Variants in PACSIN3 observed in about 807,000 individuals in gnomAD.
PACSIN3 encodes the protein protein kinase C and casein kinase substrate in neurons protein 3.
Under a neutral mutation model 56.1 loss-of-function variants are expected in PACSIN3, and 34 were observed. The ratio of observed to expected loss-of-function variants is 0.61; its 90% CI spans 0.46 to 0.81. The LOEUF (loss-of-function observed/expected upper bound fraction) is 0.81, where lower values mean the gene tolerates loss of function less well. PACSIN3 is among the 30% of genes least tolerant of loss of function. The pLI, the probability that PACSIN3 is intolerant of heterozygous loss-of-function variation, is 0.00. For missense variants in PACSIN3, 535 were observed against 592.4 expected (o/e 0.90, Z 1.01); for synonymous variants, 218 against 229.8 (o/e 0.95, Z 0.46).
In PACSIN3 at chr11:47,178,091, C is replaced by CCCTGTT. The variant is rs1952922021; in HGVS notation, c.1160-51_1160-46dup. 2 of 1,535,554 alleles carry CCCTGTT rather than the reference C, an allele frequency of 1.3e-6. No homozygotes were observed. Among genetic ancestry groups the CCCTGTT allele is most frequent in the Non-Finnish European group, 1.8e-6 (2 of 1,116,164 alleles). On this transcript the variant is annotated intron_variant, in intron 10 of 10. Transcript: ENST00000298838. This position sits in a 1 kb window ranked among gnomAD's most constrained non-coding sequence, Gnocchi z 4.2. Reference sequence around the variant, plus strand: ...TCACTGCCAGTGGCCCTGGCCCAGGCCCTGTTCCTGCAACTGGGTCAAGGA... The same window carrying CCCTGTT: ...TCACTGCCAGTGGCCCTGGCCCAGGCCCTGTTCCTGTTCCTGCAACTGGGTCAAGGA...
intron 4 of PACSIN3, 78 bp downstream of exon 4, chr11:47,182,325 C>T: frequency 6.9e-7 from 1 of 1,446,540 alleles, no homozygotes; most frequent in East Asian, 2.3e-5. Flanking sequence ...TCAAACTTCC[C>T]ACGAGACGTG....
chr11:47,178,285 G>T lies in PACSIN3; in HGVS notation c.1159+81C>A, dbSNP rs918381331. On this transcript the variant is annotated intron_variant, in intron 10 of 10. Transcript: ENST00000298838. This position sits in a 1 kb window ranked among gnomAD's most constrained non-coding sequence, Gnocchi z 4.2. ...GACAGAGGACTGGCCCTTAAGAAGT[G>T]GGTATTTGGCTTCCCTTTCTGACAC... The T allele has an allele frequency of 6.5e-7, 1 of 1,542,342 alleles. No individual in the cohort carries two copies. Among genetic ancestry groups the T allele is most frequent in the African/African-American group, 1.4e-5 (1 of 73,586 alleles).
Position 47,186,040 on chromosome 11 carries a change from G to C in PACSIN3, c.-104+309C>G, listed in dbSNP as rs1420161699. Reference sequence around the variant, plus strand: ...TCGCCAGGGAGCGAGGACCCTCTGGGGCCTCGGGGCGGGCGCGAGGCGAGC... The same window carrying C: ...TCGCCAGGGAGCGAGGACCCTCTGGCGCCTCGGGGCGGGCGCGAGGCGAGC... On this transcript the variant is annotated intron_variant, in intron 1 of 10. Coordinates refer to ENST00000298838, the MANE Select transcript of PACSIN3 (RefSeq NM_016223.5). This position sits in a 1 kb window ranked among gnomAD's most constrained non-coding sequence, Gnocchi z 4.5. 6.6e-6 allele frequency among the ~76,000 whole-genome samples: 1 copy of C among 152,072 alleles called. No homozygotes were observed. The highest frequency in any genetic ancestry group is 1.5e-5 in the Non-Finnish European group (1 of 67,962).
chr11:47,183,713 G>A (rs542560553), intron 1 of PACSIN3, among the ~76,000 whole-genome samples: 3 of 152,310 alleles, frequency 2.0e-5, no homozygotes, highest in South Asian at 2.1e-4. Flanking sequence ...AGTGAGAAGC[G>A]ATGGCCAACT....
rs760396236 is a variant in PACSIN3, at chr11:47,182,540, G to A, written c.74C>T (p.Thr25Met). 1.8e-5 allele frequency: 29 copies of A among 1,612,054 alleles called. No individual in the cohort carries two copies. Among genetic ancestry groups the A allele is most frequent in the Admixed American group, 3.3e-5 (2 of 59,918 alleles). ...SFWEAGNYRRTVQRVEDGHRL... is the reference protein window; with the variant it reads ...SFWEAGNYRRMVQRVEDGHRL... ...GTGCCCGTCCTCCACCCGCTGTACC[G>A]TGCGCCTGTAGTTGCCAGCCTGGGC... The change falls in exon 4 of 11, where the codon ACG becomes ATG. Residue 25 changes from threonine to methionine, a missense_variant. Coordinates refer to ENST00000298838, the MANE Select transcript of PACSIN3 (RefSeq NM_016223.5).
Position 47,178,926 on chromosome 11 carries a change from G to A in PACSIN3, c.1005C>T (p.Thr335=), listed in dbSNP as rs190068896. The A allele has an allele frequency of 1.1e-4, 185 of 1,613,924 alleles. 1 individual carries two copies. The Admixed American group carries it at 1.6e-3, about 14-fold the overall frequency. The stretch of plus-strand genomic sequence containing the variant: ...ACCCCGGGGACTGGGGTGGGGGTGC[G>A]GTGCCATCTCTTGTAGGCACAATGC... ...LTSIVPTRDG[T]APPPQSPGSP... is the part of the protein sequence containing the mutation. Residue 335 remains threonine (T), a synonymous_variant, in exon 9 of 11, where the codon ACC becomes ACT. Coordinates refer to ENST00000298838, the MANE Select transcript of PACSIN3 (RefSeq NM_016223.5). This position sits in a 1 kb window ranked among gnomAD's most constrained non-coding sequence, Gnocchi z 4.2.
Position 47,177,878 on chromosome 11 carries a change from A to G in PACSIN3, c.*53T>C. 1 of 1,391,504 alleles carries G rather than the reference A, an allele frequency of 7.2e-7. No individual in the cohort carries two copies. The highest frequency in any genetic ancestry group is 1.7e-5 in the Admixed American group (1 of 59,580). 86.2% of individuals were successfully genotyped at this position (1,391,504 alleles called of 1,614,324 possible). On this transcript the variant is annotated 3_prime_UTR_variant, in exon 11 of 11. Coordinates refer to ENST00000298838, the MANE Select transcript of PACSIN3 (RefSeq NM_016223.5). ...CCTGAGGGTCCGGCTCTCCAGGAGAAGCTGGGCTCTGAACCAGGGTGGGTA... is the reference window on the plus strand; with the variant it reads ...CCTGAGGGTCCGGCTCTCCAGGAGAGGCTGGGCTCTGAACCAGGGTGGGTA...
Position 47,178,357 on chromosome 11 carries a change from C to T in PACSIN3, c.1159+9G>A. 1.2e-6 allele frequency: 2 copies of T among 1,613,452 alleles called. No individual in the cohort carries two copies. The highest frequency in any genetic ancestry group is 8.5e-7 in the Non-Finnish European group (1 of 1,179,730). On this transcript the variant is annotated intron_variant, in intron 10 of 10. Transcript: ENST00000298838. This position sits in a 1 kb window ranked among gnomAD's most constrained non-coding sequence, Gnocchi z 4.2. ...AGAGGCTGAAGCTAGGAAAGGGGTC[C>T]CAGGGTACCTGCTCGGAAGCTCAGC...
chr11:47,182,649 C>A, intron 3 of PACSIN3, 25 bp downstream of exon 3: 1 of 1,607,960 alleles, frequency 6.2e-7, no homozygotes, highest in African/African-American at 1.3e-5. Context: ...AGACAAGTAG[C>A]TGAGCCCAGG....
rs768579878 is a variant in PACSIN3 at position 47,177,913 on chromosome 11, G to A, written c.*18C>T. On this transcript the variant is annotated 3_prime_UTR_variant, in exon 11 of 11. Transcript: ENST00000298838. Reference sequence around the variant, plus strand: ...TGAACCAGGGTGGGTAAACGTTGCAGAAGGGCTGTCAGGACACTCAGGCGC... The same window carrying A: ...TGAACCAGGGTGGGTAAACGTTGCAAAAGGGCTGTCAGGACACTCAGGCGC... The A allele has an allele frequency of 6.9e-6, 11 of 1,592,844 alleles. No individual in the cohort carries two copies. Among genetic ancestry groups the A allele is most frequent in the South Asian group, 3.3e-5 (3 of 90,652 alleles).
At position 47,179,517 on chromosome 11, in the gene PACSIN3, C is replaced by G; in HGVS notation, c.673G>C (p.Glu225Gln). The G allele has an allele frequency of 6.2e-7, 1 of 1,613,950 alleles. No individual in the cohort carries two copies. The highest frequency in any genetic ancestry group is 2.2e-5 in the East Asian group (1 of 44,894). ...GCCTGGCAGGTCTCAAAGGCCTGTT[C>G]CATGTCCTCCATGTAGCGTGGAGTG... ...RYTPRYMEDM[E>Q]QAFETCQAAE... Residue 225 changes from glutamate (E) to glutamine (Q), a missense_variant, in exon 7 of 11, where the codon GAA (glutamate) becomes CAA (glutamine). By Grantham distance (29) the Glu-to-Gln change is conservative. Coordinates refer to ENST00000298838, the MANE Select transcript of PACSIN3 (RefSeq NM_016223.5). This position sits in a 1 kb window ranked among gnomAD's most constrained non-coding sequence, Gnocchi z 4.4.
intron 5 of PACSIN3, 47 bp from the exon 6 acceptor site, chr11:47,180,388 C>G: frequency 6.3e-7 from 1 of 1,598,122 alleles, no homozygotes; most frequent in South Asian, 1.1e-5. Flanking sequence ...CACACCTTGG[C>G]CCCCTCGATC....
At chr11:47,185,441 G>A (rs772321573) in intron 1 of PACSIN3, 2 of 151,328 alleles carry the variant, frequency 1.3e-5, no homozygotes, top group Non-Finnish European at 2.9e-5. Flanking sequence ...CGCAGCTCTA[G>A]GATTTGAGGA....
At position 47,182,659 on chromosome 11, in the gene PACSIN3, G is replaced by GACCCAGC. The variant is rs763161975; in HGVS notation, c.54+8_54+14dup. 7.5e-6 allele frequency: 12 copies of GACCCAGC among 1,610,328 alleles called. No individual in the cohort carries two copies. In the Admixed American group the frequency reaches 1.0e-4, roughly 14 times the overall value. On this transcript the variant is annotated intron_variant, in intron 3 of 10. Coordinates refer to ENST00000298838, the MANE Select transcript of PACSIN3 (RefSeq NM_016223.5). ...CCCCTAGACAAGTAGCTGAGCCCAG[G>GACCCAGC]ACCCAGCTGCTCACCTCCCAGAAAC...
rs994437488 is a variant in PACSIN3, at chr11:47,177,848, A to G, written c.*83T>C. 1.9e-6 allele frequency: 2 copies of G among 1,062,976 alleles called. No homozygotes were observed. The highest frequency in any genetic ancestry group is 3.1e-5 in the African/African-American group (2 of 64,280). The allele number at this position is 1,062,976 out of a possible 1,614,324, so 65.8% of individuals were successfully genotyped here. A position where few individuals can be genotyped will look rare whatever the true frequency, so the allele number is the denominator to read the frequency against. ...AGGAGCAGCCAGAGAGCGACGGTTC[A>G]GGGCCCTGAGGGTCCGGCTCTCCAG... On this transcript the variant is annotated 3_prime_UTR_variant, in exon 11 of 11. Coordinates refer to ENST00000298838, the MANE Select transcript of PACSIN3 (RefSeq NM_016223.5).
intron 1 of PACSIN3, chr11:47,183,464 G>A (rs537767572): frequency 1.3e-5 from 2 of 152,416 alleles, no homozygotes; most frequent in South Asian, 2.1e-4. Flanking sequence ...GTATGTAACT[G>A]TCTCCTCCTA....
At chr11:47,180,748 C>T in intron 4 of PACSIN3, 58 bp from the exon 5 acceptor site, 1 of 1,406,464 alleles carries the variant, frequency 7.1e-7, no homozygotes, top group Non-Finnish European at 9.6e-7. Flanking sequence ...TGAGCCTAGC[C>T]CCTCTCACTG....
chr11:47,178,310 C>G lies in PACSIN3; in HGVS notation c.1159+56G>C, dbSNP rs907487524. ...GGGTATTTGGCTTCCCTTTCTGACA[C>G]CCCTGCTCAGGCAGATAAGGCAGAG... On this transcript the variant is annotated intron_variant, in intron 10 of 10. Transcript: ENST00000298838. This position sits in a 1 kb window ranked among gnomAD's most constrained non-coding sequence, Gnocchi z 4.2. 1.8e-5 allele frequency: 29 copies of G among 1,600,256 alleles called. No homozygotes were observed. The highest frequency in any genetic ancestry group is 2.3e-5 in the Non-Finnish European group (27 of 1,171,846).
chr11:47,182,767 G>A lies in PACSIN3; in HGVS notation c.-37-3C>T. 1 of 1,589,602 alleles carries A rather than the reference G, an allele frequency of 6.3e-7. No homozygotes were observed. Among genetic ancestry groups the A allele is most frequent in the Non-Finnish European group, 8.6e-7 (1 of 1,168,260 alleles). ...ACGGAATGGTGGCGGATTTGGGGCT[G>A]TGGAGGGCAGAGGGGTAAGCAGGAA... On this transcript the variant is annotated splice_polypyrimidine_tract_variant and splice_region_variant and intron_variant, in intron 2 of 10. Transcript: ENST00000298838.
Sources: gnomAD v4.1 joint callset for allele counts (sites outside exome capture counted in the v4.1 genomes callset) on GRCh38, gnomAD v4.1.1 for gene constraint, Gnocchi (gnomAD v3.1) non-coding constraint, MANE v1.5 for transcripts, NCBI Gene and HGNC (gene_info 2026-07-23, HGNC 2026-07-21) for gene names.